NR5A1: variants seen among roughly 807,000 people sequenced by gnomAD.
NR5A1 encodes nuclear receptor subfamily 5 group A member 1, also known as steroidogenic factor 1.
A neutral mutation model predicts 42.7 loss-of-function variants in NR5A1; 6 were observed. That is an observed-to-expected ratio of 0.14 (90% confidence interval 0.08 to 0.28). The LOEUF is 0.28. Ranked by LOEUF, NR5A1 falls within the 10% of genes least tolerant of loss-of-function variation. NR5A1 has a pLI of 1.00. For missense variants in NR5A1, 442 were observed against 626.4 expected, an observed-to-expected ratio of 0.71 and a Z score of 3.14; for synonymous variants, 274 against 277.5, an observed-to-expected ratio of 0.99 and a Z score of 0.12.
rs1588620786 is a variant in NR5A1 at position 124,498,041 on chromosome 9, T to G, written c.870+2049A>C. 6.6e-6 allele frequency among the ~76,000 whole-genome samples: 1 copy of G among 152,204 alleles called. No homozygotes were observed. Among genetic ancestry groups the G allele is most frequent in the East Asian group, 1.9e-4 (1 of 5,184 alleles). ...GCTTCCTGGGTCCAGATGATTTTAA[T>G]GTCCCCAGTGTCCAGCCCAAGGGCT... On this transcript the variant is annotated intron_variant, in intron 4 of 6. Transcript: ENST00000373588. This position sits in a 1 kb window ranked among gnomAD's most constrained non-coding sequence, Gnocchi z 4.6.
intron 4 of NR5A1, among the ~76,000 whole-genome samples, chr9:124,493,745 G>T (rs898655452): frequency 3.3e-5 from 5 of 152,222 alleles, no homozygotes; most frequent in African/African-American, 1.2e-4. Context: ...GGCATGAGCA[G>T]GGGGGCGGCA....
chr9:124,488,049 C>T (rs1232653926), intron 6 of NR5A1, among the ~76,000 whole-genome samples: 1 of 151,830 alleles, frequency 6.6e-6, no homozygotes, highest in Non-Finnish European at 1.5e-5. Context: ...CTCCCCACCC[C>T]GTCCCCACCC....
chr9:124,502,539 G>C (rs1432217567), intron 3 of NR5A1, among the ~76,000 whole-genome samples: 1 of 152,158 alleles, frequency 6.6e-6, no homozygotes, highest in Non-Finnish European at 1.5e-5. Flanking sequence ...ATGTTGCCCA[G>C]GCTGGTCTTA....
At chr9:124,490,654 T>A (rs1054473856) in intron 6 of NR5A1, among the ~76,000 whole-genome samples, 1 of 151,206 alleles carries the variant, frequency 6.6e-6, no homozygotes, top group Non-Finnish European at 1.5e-5. Flanking sequence ...GCTTGGGGGG[T>A]TTTTGCTCAC....
At position 124,503,100 on chromosome 9, in the gene NR5A1, T is replaced by C. The variant is rs1832493220; in HGVS notation, c.223A>G (p.Thr75Ala). 1 of 1,589,062 alleles carries C rather than the reference T, an allele frequency of 6.3e-7. No homozygotes were observed. Among genetic ancestry groups the C allele is most frequent in the Non-Finnish European group, 8.5e-7 (1 of 1,169,814 alleles). Residue 75 changes from threonine (T) to alanine (A), a missense_variant, in exon 3 of 7, where the codon ACG (threonine) becomes GCG (alanine). Coordinates refer to ENST00000373588, the MANE Select transcript of NR5A1 (RefSeq NM_004959.5). This position sits in a 1 kb window ranked among gnomAD's most constrained non-coding sequence, Gnocchi z 9.6. ...GCACCTTCCAGGCGCATCCCCACCGTCAGGCATTTCTGGAAGCGGCAGAAG... is the reference window on the plus strand; with the variant it reads ...GCACCTTCCAGGCGCATCCCCACCGCCAGGCATTTCTGGAAGCGGCAGAAG... Reference protein sequence around the residue: ...CPFCRFQKCLTVGMRLEAVRA... With the variant: ...CPFCRFQKCLAVGMRLEAVRA...
intron 3 of NR5A1, among the ~76,000 whole-genome samples, chr9:124,502,394 A>T (rs1832484205): frequency 1.3e-5 from 2 of 151,458 alleles, no homozygotes; most frequent in Non-Finnish European, 2.9e-5. Flanking sequence ...GAGTGGTGTG[A>T]TCATAGCTCA....
Position 124,491,448 on chromosome 9 carries a change from G to A in NR5A1, c.991-220C>T, listed in dbSNP as rs573975799. On this transcript the variant is annotated intron_variant, in intron 5 of 6. Transcript: ENST00000373588. Reference sequence around the variant, plus strand: ...CACCCTTCCGAGCTCTCCTCAACCCGCCAAGCCCGGAGCTGAGGCACCCAC... The same window carrying A: ...CACCCTTCCGAGCTCTCCTCAACCCACCAAGCCCGGAGCTGAGGCACCCAC... Among the ~76,000 whole-genome samples the A allele has an allele frequency of 9.9e-5, 15 of 152,256 alleles. 1 individual carries two copies. The South Asian group carries it at 2.5e-3, about 25-fold the overall frequency.
At position 124,482,348 on chromosome 9, in the gene NR5A1, C is replaced by T; in HGVS notation, c.*410G>A. The T allele has an allele frequency of 3.2e-6, 1 of 310,678 alleles. No individual in the cohort carries two copies. The highest frequency in any genetic ancestry group is 4.3e-5 in the Admixed American group (1 of 23,224). 19.2% of individuals were successfully genotyped at this position (310,678 alleles called of 1,614,324 possible). ...CTAGTTGATACCTGCTCAACTTCTC[C>T]CTGTCTGTTTCCAGGAGAGGAGGAA... On this transcript the variant is annotated 3_prime_UTR_variant, in exon 7 of 7. Transcript: ENST00000373588.
chr9:124,504,538 G>T (rs1305553542), intron 1 of NR5A1, among the ~76,000 whole-genome samples: 1 of 151,940 alleles, frequency 6.6e-6, no homozygotes, highest in African/African-American at 2.4e-5. Context: ...TCGGGCGGGG[G>T]TCGGCGGGCT....
Position 124,498,204 on chromosome 9 carries a change from T to C in NR5A1, c.870+1886A>G, listed in dbSNP as rs2131284734. ...TCCCACTTTTCTGTCTCCTCACCTC[T>C]GGACTTTGCAAAGAGACACCAGCCC... On this transcript the variant is annotated intron_variant, in intron 4 of 6. Coordinates refer to ENST00000373588, the MANE Select transcript of NR5A1 (RefSeq NM_004959.5). This position sits in a 1 kb window ranked among gnomAD's most constrained non-coding sequence, Gnocchi z 4.6. Among the ~76,000 whole-genome samples the C allele has an allele frequency of 6.6e-6, 1 of 152,280 alleles. No individual in the cohort carries two copies. Among genetic ancestry groups the C allele is most frequent in the Admixed American group, 6.5e-5 (1 of 15,306 alleles).
rs1278435786 is a variant in NR5A1, at chr9:124,496,833, C to T, written c.870+3257G>A. ...TGGGTCACTGGGCACTCCTGGCCCCCACCGTCCCCCCGGGTCCTCCCTTGC... is the reference window on the plus strand; with the variant it reads ...TGGGTCACTGGGCACTCCTGGCCCCTACCGTCCCCCCGGGTCCTCCCTTGC... On this transcript the variant is annotated intron_variant, in intron 4 of 6. Coordinates refer to ENST00000373588, the MANE Select transcript of NR5A1 (RefSeq NM_004959.5). This position sits in a 1 kb window ranked among gnomAD's most constrained non-coding sequence, Gnocchi z 5.0. Among the ~76,000 whole-genome samples, 3 of 152,234 alleles carry T rather than the reference C, an allele frequency of 2.0e-5. No individual in the cohort carries two copies. The highest frequency in any genetic ancestry group is 4.4e-5 in the Non-Finnish European group (3 of 68,040).
At chr9:124,490,174 A>T (rs1319877458) in intron 6 of NR5A1, among the ~76,000 whole-genome samples, 1 of 151,892 alleles carries the variant, frequency 6.6e-6, no homozygotes, top group Non-Finnish European at 1.5e-5. Context: ...ATCCTCCAAA[A>T]CCCTGCTCAG....
In NR5A1 at chr9:124,501,432, C is replaced by G. The variant is rs1832470002; in HGVS notation, c.245-717G>C. Among the ~76,000 whole-genome samples, 1 of 152,224 alleles carries G rather than the reference C, an allele frequency of 6.6e-6. No homozygotes were observed. On this transcript the variant is annotated intron_variant, in intron 3 of 6. Transcript: ENST00000373588. The surrounding 1 kb of genome is among the most constrained non-coding windows in gnomAD (Gnocchi z 4.1). ...CTCTTGCCGACTAGAAGCTCCTCCGCCTGGCGAGGAATGTGTCATCAGCCA... is the reference window on the plus strand; with the variant it reads ...CTCTTGCCGACTAGAAGCTCCTCCGGCTGGCGAGGAATGTGTCATCAGCCA...
In NR5A1 at chr9:124,500,731, G is replaced by A. The variant is rs372490372; in HGVS notation, c.245-16C>T. ...GCGCGCACGGCTGTGGGCAGGGGCAGAGGGTCAGACTCACCCTCTCTAAGC... is the reference window on the plus strand; with the variant it reads ...GCGCGCACGGCTGTGGGCAGGGGCAAAGGGTCAGACTCACCCTCTCTAAGC... On this transcript the variant is annotated splice_polypyrimidine_tract_variant and intron_variant, in intron 3 of 6. Coordinates refer to ENST00000373588, the MANE Select transcript of NR5A1 (RefSeq NM_004959.5). This position sits in a 1 kb window ranked among gnomAD's most constrained non-coding sequence, Gnocchi z 6.9. 7.6e-5 allele frequency: 122 copies of A among 1,612,316 alleles called. No individual in the cohort carries two copies. The highest frequency in any genetic ancestry group is 1.0e-4 in the Non-Finnish European group (118 of 1,180,030).
intron 1 of NR5A1, among the ~76,000 whole-genome samples, chr9:124,505,155 C>G (rs1392733245): frequency 6.6e-6 from 1 of 152,204 alleles, no homozygotes; most frequent in African/African-American, 2.4e-5. Context: ...CAGCCCGGCT[C>G]CCCGGACCCC....
Position 124,498,923 on chromosome 9 carries a change from G to C in NR5A1, c.870+1167C>G, listed in dbSNP as rs1386722860. 6.6e-6 allele frequency among the ~76,000 whole-genome samples: 1 copy of C among 152,200 alleles called. No individual in the cohort carries two copies. Among genetic ancestry groups the C allele is most frequent in the Non-Finnish European group, 1.5e-5 (1 of 68,026 alleles). On this transcript the variant is annotated intron_variant, in intron 4 of 6. Transcript: ENST00000373588. The surrounding 1 kb of genome is among the most constrained non-coding windows in gnomAD (Gnocchi z 4.6). ...GCACCCACCCCCACCTACCAGCCAG[G>C]GCAGGCAGTGCCCCCAGCCCATCCG...
intron 1 of NR5A1, among the ~76,000 whole-genome samples, chr9:124,506,102 G>A (rs1832554227): frequency 1.3e-5 from 2 of 152,238 alleles, no homozygotes; most frequent in Non-Finnish European, 2.9e-5. Flanking sequence ...GCTTCGGTTG[G>A]AGCTGGGCCT....
Position 124,503,546 on chromosome 9 carries a change from C to T in NR5A1, c.-15-136G>A. On this transcript the variant is annotated intron_variant, in intron 1 of 6. Coordinates refer to ENST00000373588, the MANE Select transcript of NR5A1 (RefSeq NM_004959.5). The surrounding 1 kb of genome is among the most constrained non-coding windows in gnomAD (Gnocchi z 9.6). ...GCCCAGGCGCTGCCGCCGGCACCCA[C>T]CGAGCGCCCCGCGCAGCGTCCCGGG... 1.6e-6 allele frequency: 1 copy of T among 630,370 alleles called. No individual in the cohort carries two copies. Among genetic ancestry groups the T allele is most frequent in the Non-Finnish European group, 2.5e-6 (1 of 401,428 alleles). 39.0% of individuals were successfully genotyped at this position (630,370 alleles called of 1,614,324 possible). A position where few individuals can be genotyped will look rare whatever the true frequency, so the allele number is the denominator to read the frequency against.
chr9:124,503,139 G>A lies in NR5A1; in HGVS notation c.184C>T (p.Arg62Cys). Residue 62 changes from arginine (R) to cysteine (C), a missense_variant, in exon 3 of 7, where the codon CGC (arginine) becomes TGC (cysteine). Coordinates refer to ENST00000373588, the MANE Select transcript of NR5A1 (RefSeq NM_004959.5). This position sits in a 1 kb window ranked among gnomAD's most constrained non-coding sequence, Gnocchi z 9.6. ...SQSCKIDKTQ[R>C]KRCPFCRFQK... is the part of the protein sequence containing the mutation. Reference sequence around the variant, plus strand: ...AAGCGGCAGAAGGGACAGCGCTTGCGCTGCGTCTTGTCGATCTTGCAGCTC... The same window carrying A: ...AAGCGGCAGAAGGGACAGCGCTTGCACTGCGTCTTGTCGATCTTGCAGCTC... 6.3e-7 allele frequency: 1 copy of A among 1,597,584 alleles called. No individual in the cohort carries two copies. The highest frequency in any genetic ancestry group is 2.3e-5 in the East Asian group (1 of 44,170).
Sources: allele counts gnomAD v4.1 joint callset (sites outside exome capture counted in the v4.1 genomes callset), GRCh38; gene constraint gnomAD v4.1.1; non-coding constraint Gnocchi (gnomAD v3.1); transcripts MANE v1.5; gene names NCBI Gene and HGNC (gene_info 2026-07-23, HGNC 2026-07-21).